CBLB: variants seen among roughly 807,000 people sequenced by gnomAD.
CBLB encodes E3 ubiquitin-protein ligase CBL-B.
CBLB carries 31 observed loss-of-function variants against 104.9 expected under a neutral mutation model. That is an observed-to-expected ratio of 0.30 (90% confidence interval 0.22 to 0.40). The LOEUF is 0.40. Among genes scored for constraint, CBLB ranks in the 10% least tolerant of loss-of-function variants. The pLI, the probability that CBLB is intolerant of heterozygous loss-of-function variation, is 1.00. For missense variants in CBLB, 1,062 were observed against 1,214.6 expected, an observed-to-expected ratio of 0.87 and a Z score of 1.87; for synonymous variants, 440 against 422.6, an observed-to-expected ratio of 1.04 and a Z score of -0.51.
At chr3:105,856,279 G>A (rs943004455) in intron 2 of CBLB, among the ~76,000 whole-genome samples, 4 of 150,586 alleles carry the variant, frequency 2.7e-5, no homozygotes, top group Non-Finnish European at 4.4e-5. Context: ...GAACCCGGGA[G>A]GCAGAGGTTG....
At chr3:105,704,654 T>A (rs548428943) in intron 10 of CBLB, among the ~76,000 whole-genome samples, 3 of 152,230 alleles carry the variant, frequency 2.0e-5, no homozygotes, top group Non-Finnish European at 4.4e-5. Context: ...GGTGGGGTTT[T>A]AAAAAAATAA....
At chr3:105,756,888 A>T (rs1037429925) in intron 4 of CBLB, among the ~76,000 whole-genome samples, 2 of 152,142 alleles carry the variant, frequency 1.3e-5, no homozygotes, top group African/African-American at 4.8e-5. Context: ...GGATCATGGG[A>T]GCATATTTCC....
intron 3 of CBLB, among the ~76,000 whole-genome samples, chr3:105,790,880 C>A (rs1273680018): frequency 6.6e-6 from 1 of 152,120 alleles, no homozygotes; most frequent in Non-Finnish European, 1.5e-5. Flanking sequence ...TAGATAGGAC[C>A]CTGCCTCCCC....
intron 3 of CBLB, among the ~76,000 whole-genome samples, chr3:105,842,155 G>A (rs1019977093): frequency 6.6e-6 from 1 of 152,156 alleles, no homozygotes; most frequent in Non-Finnish European, 1.5e-5. Context: ...GCCAGCCACT[G>A]CACATGCAGG....
intron 13 of CBLB, among the ~76,000 whole-genome samples, chr3:105,687,753 C>T (rs1360094662): frequency 1.3e-5 from 2 of 150,824 alleles, no homozygotes; most frequent in Non-Finnish European, 3.0e-5. Flanking sequence ...AAAAGAATAA[C>T]ATTACAGTGT....
chr3:105,657,209 C>T lies in CBLB; in HGVS notation c.*1761G>A, dbSNP rs918272493. Reference sequence around the variant, plus strand: ...CCTCTCCCAGGGTCAACTTAGTCTACGTGTCTTTTGTATAACATTAATTTC... The same window carrying T: ...CCTCTCCCAGGGTCAACTTAGTCTATGTGTCTTTTGTATAACATTAATTTC... On this transcript the variant is annotated 3_prime_UTR_variant, in exon 19 of 19. Coordinates refer to ENST00000394030, the MANE Select transcript of CBLB (RefSeq NM_170662.5). 16 of 221,552 alleles carry T rather than the reference C, an allele frequency of 7.2e-5. No homozygotes were observed. The highest frequency in any genetic ancestry group is 8.1e-5 in the Non-Finnish European group (9 of 110,746). 13.7% of individuals were successfully genotyped at this position (221,552 alleles called of 1,614,324 possible).
chr3:105,734,130 T>C lies in CBLB; in HGVS notation c.1082A>G (p.Glu361Gly). ...DHIKVTQEQY[E>G]LYCEMGSTFQ... is the part of the protein sequence containing the mutation. ...AGTGGAGCCCATTTCACAATATAAT[T>C]CATATTGTTCCTGGAATTTGGGGAG... The change falls in exon 9 of 19, where the codon GAA becomes GGA. Residue 361 changes from glutamate to glycine, a missense_variant. Transcript: ENST00000394030. The C allele has an allele frequency of 6.2e-7, 1 of 1,613,748 alleles. No homozygotes were observed.
chr3:105,666,024 CA>C (rs34981931), intron 18 of CBLB, among the ~76,000 whole-genome samples: 33,518 of 130,120 alleles, frequency 0.26, 3,805 homozygotes, highest in African/African-American at 0.3. Flanking sequence ...AGACTCGTCT[CA>C]AAAAAAAAAA....
At chr3:105,744,100 G>T (rs1166820572) in intron 6 of CBLB, among the ~76,000 whole-genome samples, 1 of 152,086 alleles carries the variant, frequency 6.6e-6, no homozygotes, top group African/African-American at 2.4e-5. Context: ...TTTACTAAGA[G>T]AACTTTTCCA....
intron 13 of CBLB, among the ~76,000 whole-genome samples, chr3:105,686,349 G>A (rs1406030863): frequency 6.6e-6 from 1 of 151,596 alleles, no homozygotes; most frequent in African/African-American, 2.4e-5. Flanking sequence ...ACTTTAGGAC[G>A]ACCAACTAGT....
intron 3 of CBLB, among the ~76,000 whole-genome samples, chr3:105,782,088 G>C (rs1006019433): frequency 3.0e-4 from 46 of 152,252 alleles, no homozygotes; most frequent in South Asian, 8.3e-4. Flanking sequence ...AGACTAGGCT[G>C]ATGTAAGCCT....
At chr3:105,666,257 AT>A (rs2064445896) in intron 18 of CBLB, among the ~76,000 whole-genome samples, 1 of 152,212 alleles carries the variant, frequency 6.6e-6, no homozygotes. Context: ...TTAGAAAAAA[AT>A]ATAAATACAC....
intron 12 of CBLB, among the ~76,000 whole-genome samples, chr3:105,694,091 T>C (rs533206833): frequency 6.6e-6 from 1 of 152,104 alleles, no homozygotes; most frequent in Admixed American, 6.5e-5. Context: ...TGTTCTTTCA[T>C]GGTTGAAGCT....
chr3:105,728,604 T>C (rs2073956409), intron 9 of CBLB, among the ~76,000 whole-genome samples: 1 of 152,200 alleles, frequency 6.6e-6, no homozygotes, highest in Non-Finnish European at 1.5e-5. Context: ...GTTTTGTTAA[T>C]GTCCCATTAA....
intron 4 of CBLB, among the ~76,000 whole-genome samples, chr3:105,755,006 A>G (rs2076950980): frequency 6.7e-6 from 1 of 149,498 alleles, no homozygotes; most frequent in African/African-American, 2.5e-5. Flanking sequence ...CTTGAAAAAC[A>G]GTATCTTTTC....
intron 17 of CBLB, among the ~76,000 whole-genome samples, chr3:105,676,549 G>C (rs1212994211): frequency 1.3e-5 from 2 of 152,066 alleles, no homozygotes; most frequent in Admixed American, 1.3e-4. Flanking sequence ...CTTGAACTTA[G>C]CATCAGGAAA....
At chr3:105,809,696 G>A (rs1286627605) in intron 3 of CBLB, among the ~76,000 whole-genome samples, 1 of 152,156 alleles carries the variant, frequency 6.6e-6, no homozygotes, top group East Asian at 1.9e-4. Flanking sequence ...GCCCCAGCAA[G>A]CTGCCAAACA....
chr3:105,730,909 A>G (rs1007389064), intron 9 of CBLB, among the ~76,000 whole-genome samples: 1 of 152,176 alleles, frequency 6.6e-6, no homozygotes, highest in African/African-American at 2.4e-5. Flanking sequence ...TTTTAGCTAA[A>G]CACAATTTTC....
At chr3:105,774,299 C>T (rs748850739) in intron 4 of CBLB, among the ~76,000 whole-genome samples, 2 of 152,002 alleles carry the variant, frequency 1.3e-5, no homozygotes, top group Non-Finnish European at 2.9e-5. Flanking sequence ...TTCAACCTTT[C>T]GAAAGGATAC....
Sources: allele counts gnomAD v4.1 joint callset (sites outside exome capture counted in the v4.1 genomes callset), GRCh38; gene constraint gnomAD v4.1.1; transcripts MANE v1.5; gene names NCBI Gene and HGNC (gene_info 2026-07-23, HGNC 2026-07-21).